Variants in MED7 observed in about 807,000 individuals in gnomAD.
MED7 encodes the protein mediator of RNA polymerase II transcription subunit 7.
In MED7, 7 loss-of-function variants were observed where a neutral mutation model predicts 16.6. The ratio of observed to expected loss-of-function variants is 0.42; its 90% CI spans 0.24 to 0.79. The LOEUF (loss-of-function observed/expected upper bound fraction) is 0.79. Among genes scored for constraint, MED7 ranks in the 30% least tolerant of loss-of-function variants. MED7 has a pLI of 0.27. For synonymous variants in MED7, 88 were observed against 90.5 expected (o/e 0.97, Z 0.16); for missense variants, 240 against 286.3 (o/e 0.84, Z 1.17).
intron 1 of MED7, 67 bp from the exon 2 acceptor site, chr5:157,139,515 T>A (rs926286194): frequency 2.1e-6 from 2 of 961,228 alleles, no homozygotes; most frequent in African/African-American, 3.4e-5. Context: ...TAACTACAGA[T>A]GGAATATTTT....
chr5:157,138,951 T>C lies in MED7; in HGVS notation c.481A>G (p.Ile161Val). 1 of 1,614,212 alleles carries C rather than the reference T, an allele frequency of 6.2e-7. No individual in the cohort carries two copies. The highest frequency in any genetic ancestry group is 1.1e-5 in the South Asian group (1 of 91,082). The change falls in exon 2 of 2, where the codon ATT (isoleucine) becomes GTT (valine). Residue 161 changes from isoleucine to valine, a missense_variant. Ile to Val is a conservative substitution (Grantham distance 29). Transcript: ENST00000286317. ...GCCAAGCAATTCTGAATCATTTCAA[T>C]TACTCGTTCCAGGTGCTTTTGAAAT... ...ERFQKHLERV[I>V]EMIQNCLASL...
In MED7 at chr5:157,137,604, G is replaced by GAGC. The variant is rs1209832116; in HGVS notation, c.*1123_*1125dup. 1 of 152,290 alleles carries GAGC rather than the reference G, an allele frequency of 6.6e-6. No individual in the cohort carries two copies. The highest frequency in any genetic ancestry group is 1.5e-5 in the Non-Finnish European group (1 of 68,116). The allele number at this position is 152,290 out of a possible 1,614,324, so 9.4% of individuals were successfully genotyped here. On this transcript the variant is annotated 3_prime_UTR_variant, in exon 2 of 2. Transcript: ENST00000286317. ...ACTCTCCACTAACACCTTGGTGGAA[G>GAGC]AGCAGATGGACAGTCGGGGGAAGAA...
intron 1 of MED7, among the ~76,000 whole-genome samples, chr5:157,140,235 T>C (rs952560851): frequency 6.6e-6 from 1 of 152,142 alleles, no homozygotes; most frequent in African/African-American, 2.4e-5. Context: ...TTGGTCTCTT[T>C]ACTCCCCATC....
intron 1 of MED7, among the ~76,000 whole-genome samples, chr5:157,140,202 G>A (rs571701545): frequency 3.9e-5 from 6 of 152,038 alleles, no homozygotes; most frequent in Non-Finnish European, 7.4e-5. Flanking sequence ...TAGTAGAGAC[G>A]GGATTTTGCC....
chr5:157,142,056 G>A (rs1757733029), intron 1 of MED7, among the ~76,000 whole-genome samples: 1 of 152,170 alleles, frequency 6.6e-6, no homozygotes, highest in Non-Finnish European at 1.5e-5. Flanking sequence ...CCTAAGCCGA[G>A]AAGCATCTAA....
chr5:157,139,272 G>C lies in MED7; in HGVS notation c.160C>G (p.Leu54Val). 6.2e-7 allele frequency: 1 copy of C among 1,614,198 alleles called. No individual in the cohort carries two copies. The highest frequency in any genetic ancestry group is 8.5e-7 in the Non-Finnish European group (1 of 1,180,032). ...TGACTTTCCAAAGGGCGGATGATAA[G>C]ATCATCACATTGGAACTGATTGCCA... ...MFGNQFQCDD[L>V]IIRPLESQGI... Residue 54 changes from leucine to valine, a missense_variant, in exon 2 of 2, where the codon CTT becomes GTT. Transcript: ENST00000286317.
chr5:157,140,140 T>C (rs1236788088), intron 1 of MED7, among the ~76,000 whole-genome samples: 3 of 152,050 alleles, frequency 2.0e-5, no homozygotes, highest in Non-Finnish European at 2.9e-5. Context: ...CTCAGCCTCC[T>C]AAGTAGATGG....
rs1458835086 is a variant in MED7 at position 157,138,494 on chromosome 5, C to T, written c.*236G>A. On this transcript the variant is annotated 3_prime_UTR_variant, in exon 2 of 2. Coordinates refer to ENST00000286317, the MANE Select transcript of MED7 (RefSeq NM_004270.5). Reference sequence around the variant, plus strand: ...CTCTAAAACATAGGAATGTCCCATACAACAGCAGCTAACACTTTGCTTTTT... The same window carrying T: ...CTCTAAAACATAGGAATGTCCCATATAACAGCAGCTAACACTTTGCTTTTT... The T allele has an allele frequency of 6.9e-6, 3 of 434,552 alleles. No individual in the cohort carries two copies. The highest frequency in any genetic ancestry group is 4.9e-5 in the South Asian group (1 of 20,430). The allele number at this position is 434,552 out of a possible 1,614,324, so 26.9% of individuals were successfully genotyped here. A position where few individuals can be genotyped will look rare whatever the true frequency, so the allele number is the denominator to read the frequency against.
Position 157,137,513 on chromosome 5 carries a change from C to T in MED7, c.*1217G>A, listed in dbSNP as rs1757653355. The T allele has an allele frequency of 1.3e-5, 2 of 152,356 alleles. No individual in the cohort carries two copies. The highest frequency in any genetic ancestry group is 1.9e-4 in the East Asian group (1 of 5,190). 9.4% of individuals were successfully genotyped at this position (152,356 alleles called of 1,614,324 possible). A position where few individuals can be genotyped will look rare whatever the true frequency, so the allele number is the denominator to read the frequency against. On this transcript the variant is annotated 3_prime_UTR_variant, in exon 2 of 2. Transcript: ENST00000286317. ...TACCAATGCTGCTGGTCCAGGACCA[C>T]ACACTTTAAGAACCACGGGCCTACA...
At chr5:157,142,394 C>T (rs1016260575) in intron 1 of MED7, 1 of 152,290 alleles carries the variant, frequency 6.6e-6, no homozygotes, top group Admixed American at 6.5e-5. Context: ...CTCGCCTGCC[C>T]CCATACCTCA....
chr5:157,138,629 T>G lies in MED7; in HGVS notation c.*101A>C. 9.7e-7 allele frequency: 1 copy of G among 1,027,756 alleles called. No homozygotes were observed. Among genetic ancestry groups the G allele is most frequent in the Non-Finnish European group, 1.4e-6 (1 of 711,774 alleles). 63.7% of individuals were successfully genotyped at this position (1,027,756 alleles called of 1,614,324 possible). A position where few individuals can be genotyped will look rare whatever the true frequency, so the allele number is the denominator to read the frequency against. On this transcript the variant is annotated 3_prime_UTR_variant, in exon 2 of 2. Coordinates refer to ENST00000286317, the MANE Select transcript of MED7 (RefSeq NM_004270.5). ...AAAAATTTGGAGTCAAGATTAAAGC[T>G]GTTTACATTTTTAGTGAAACTTCTC...
rs1295782042 is a variant in MED7, at chr5:157,138,016, G to A, written c.*714C>T. On this transcript the variant is annotated 3_prime_UTR_variant, in exon 2 of 2. Transcript: ENST00000286317. ...TGCCATCAAACCCCTTTCCCATTGT[G>A]GACTTAAACAAGTCTGAGCTTAGCT... 6.6e-6 allele frequency: 1 copy of A among 152,112 alleles called. No homozygotes were observed. The highest frequency in any genetic ancestry group is 1.5e-5 in the Non-Finnish European group (1 of 68,022). 9.4% of individuals were successfully genotyped at this position (152,112 alleles called of 1,614,324 possible). A position where few individuals can be genotyped will look rare whatever the true frequency, so the allele number is the denominator to read the frequency against.
At chr5:157,139,512 A>G in intron 1 of MED7, 64 bp from the exon 2 acceptor site, 1 of 974,938 alleles carries the variant, frequency 1.0e-6, no homozygotes, top group Non-Finnish European at 1.4e-6. Flanking sequence ...TCATAACTAC[A>G]GATGGAATAT....
rs1757678413 is a variant in MED7, at chr5:157,138,924, A to C, written c.508T>G (p.Ser170Ala). 2 of 1,614,080 alleles carry C rather than the reference A, an allele frequency of 1.2e-6. No homozygotes were observed. The highest frequency in any genetic ancestry group is 1.7e-6 in the Non-Finnish European group (2 of 1,180,050). The part of the protein sequence containing the change: ...VIEMIQNCLA[S>A]LPDDLPHSEA... ...GAATGAGGCAAATCATCAGGCAAAG[A>C]AGCCAAGCAATTCTGAATCATTTCA... The change falls in exon 2 of 2, where the codon TCT (serine) becomes GCT (alanine). Residue 170 changes from serine (S) to alanine (A), a missense_variant. Transcript: ENST00000286317.
chr5:157,138,757 T>G lies in MED7; in HGVS notation c.675A>C (p.Leu225=). ...IIEKDAALCV[L]IDEMNERP ...ATGGTCTTTCATTCATCTCATCAAT[T>G]AGGACACACAAGGCAGCATCTTTCT... The change falls in exon 2 of 2, where the codon CTA becomes CTC. Residue 225 remains leucine, a synonymous_variant. Coordinates refer to ENST00000286317, the MANE Select transcript of MED7 (RefSeq NM_004270.5). The G allele has an allele frequency of 6.2e-7, 1 of 1,605,052 alleles. No homozygotes were observed. Among genetic ancestry groups the G allele is most frequent in the Non-Finnish European group, 8.5e-7 (1 of 1,175,898 alleles).
Position 157,138,733 on chromosome 5 carries a change from T to A in MED7, c.699A>T (p.Pro233=). 6.3e-7 allele frequency: 1 copy of A among 1,577,036 alleles called. No individual in the cohort carries two copies. Among genetic ancestry groups the A allele is most frequent in the Non-Finnish European group, 8.6e-7 (1 of 1,164,780 alleles). ...CVLIDEMNER[P] Reference sequence around the variant, plus strand: ...AAAAAAGAAAAAGAAACATCTTTCATGGTCTTTCATTCATCTCATCAATTA... The same window carrying A: ...AAAAAAGAAAAAGAAACATCTTTCAAGGTCTTTCATTCATCTCATCAATTA... Residue 233 remains proline (P), a synonymous_variant, in exon 2 of 2, where the codon CCA becomes CCT. Transcript: ENST00000286317.
chr5:157,139,781 C>A (rs1289937548), intron 1 of MED7, among the ~76,000 whole-genome samples: 1 of 145,012 alleles, frequency 6.9e-6, no homozygotes, highest in Non-Finnish European at 1.5e-5. Flanking sequence ...TCTTCCATAA[C>A]CAAACTACAC....
rs184362156 is a variant in MED7, at chr5:157,141,440, G to A, written c.-18+1380C>T. The stretch of plus-strand genomic sequence containing the variant: ...ACTCAAACCTTTTTAGGTGAGGAGT[G>A]CTGCTCTGTACTTTCCTACACGATG... On this transcript the variant is annotated intron_variant, in intron 1 of 1. Transcript: ENST00000286317. Among the ~76,000 whole-genome samples the A allele has an allele frequency of 7.9e-5, 12 of 152,222 alleles. 1 individual carries two copies. The highest frequency in any genetic ancestry group is 5.9e-4 in the Admixed American group (9 of 15,296).
At chr5:157,140,175 G>C (rs1019126525) in intron 1 of MED7, among the ~76,000 whole-genome samples, 9 of 152,026 alleles carry the variant, frequency 5.9e-5, no homozygotes, top group Non-Finnish European at 1.5e-5. Context: ...ACCATGTCTG[G>C]CTAATTTTTG....
Sources: gnomAD v4.1 joint callset for allele counts (sites outside exome capture counted in the v4.1 genomes callset) on GRCh38, gnomAD v4.1.1 for gene constraint, MANE v1.5 for transcripts, NCBI Gene and HGNC (gene_info 2026-07-23, HGNC 2026-07-21) for gene names.